FAM13A: variants seen among roughly 807,000 people sequenced by gnomAD.
FAM13A encodes the protein family with sequence similarity 13 member A, also known as protein FAM13A.
In FAM13A, 76 loss-of-function variants were observed where a neutral mutation model predicts 129.6. The observed-to-expected ratio is 0.59, with a 90% CI of 0.49 to 0.71. The LOEUF (loss-of-function observed/expected upper bound fraction) is 0.71. Among genes scored for constraint, FAM13A ranks in the 30% least tolerant of loss-of-function variants. The pLI is 0.00. For missense variants in FAM13A, 1,108 were observed against 1,249.3 expected, an observed-to-expected ratio of 0.89 and a Z score of 1.70; for synonymous variants, 443 against 449.9, an observed-to-expected ratio of 0.98 and a Z score of 0.20.
intron 11 of FAM13A, among the ~76,000 whole-genome samples, chr4:88,776,884 G>A (rs920312372): frequency 1.3e-5 from 2 of 152,140 alleles, no homozygotes; most frequent in African/African-American, 2.4e-5. Context: ...TGAGGCAGGA[G>A]AATCACTTGA....
intron 7 of FAM13A, among the ~76,000 whole-genome samples, chr4:88,836,250 CAAT>C (rs1734784541): frequency 1.3e-5 from 2 of 152,066 alleles, no homozygotes; most frequent in Admixed American, 6.5e-5. Context: ...TACATTACCA[CAAT>C]AAAAAAGATT....
intron 5 of FAM13A, among the ~76,000 whole-genome samples, chr4:88,913,348 AGAG>A (rs1462235278): frequency 2.8e-5 from 4 of 140,826 alleles, no homozygotes; most frequent in Admixed American, 1.4e-4. Flanking sequence ...AAGAGGAAGA[AGAG>A]GAGGAAGAAG....
intron 1 of FAM13A, among the ~76,000 whole-genome samples, chr4:89,044,785 C>A (rs545842649): frequency 9.9e-5 from 15 of 151,592 alleles, no homozygotes; most frequent in African/African-American, 3.1e-4. Flanking sequence ...ATGGATGAAC[C>A]CTGAAAGCAT....
chr4:88,835,961 C>T (rs1734737701), intron 7 of FAM13A, among the ~76,000 whole-genome samples: 1 of 152,180 alleles, frequency 6.6e-6, no homozygotes, highest in Non-Finnish European at 1.5e-5. Flanking sequence ...ACAATTAACA[C>T]TTCCTCCTTG....
intron 17 of FAM13A, 37 bp downstream of exon 17, chr4:88,748,911 GGCTT>G (rs1377290662): frequency 4.3e-6 from 6 of 1,404,506 alleles, no homozygotes; most frequent in Non-Finnish European, 4.0e-6. Context: ...TTCTGCACCT[GGCTT>G]GTTGTACAGA....
At position 88,917,052 on chromosome 4, in the gene FAM13A, A is replaced by G. The variant is rs185653835; in HGVS notation, c.760-10590T>C. ...AAAAACAACCTCTTCTGACTCCTCT[A>G]CTTCAGTTTATCCTACACATGGATG... On this transcript the variant is annotated intron_variant, in intron 5 of 23. Transcript: ENST00000264344. 1.6e-4 allele frequency among the ~76,000 whole-genome samples: 25 copies of G among 152,278 alleles called. No individual in the cohort carries two copies. The East Asian group carries it at 4.8e-3, about 29-fold the overall frequency.
intron 1 of FAM13A, among the ~76,000 whole-genome samples, chr4:89,037,386 T>C (rs186875743): frequency 1.2e-3 from 177 of 152,334 alleles, no homozygotes; most frequent in Middle Eastern, 3.4e-3. Context: ...GCCCCTTTGT[T>C]TTGGCTGATT....
At chr4:88,997,179 C>T (rs914185664) in intron 3 of FAM13A, among the ~76,000 whole-genome samples, 10 of 152,308 alleles carry the variant, frequency 6.6e-5, no homozygotes, top group South Asian at 4.1e-4. Flanking sequence ...CTGCTTTAAA[C>T]TTGTTAAACT....
chr4:88,909,346 G>A (rs544090185), intron 5 of FAM13A, among the ~76,000 whole-genome samples: 10 of 152,136 alleles, frequency 6.6e-5, no homozygotes, highest in Non-Finnish European at 5.9e-5. Flanking sequence ...GACACAAAAG[G>A]ATATATATTG....
At chr4:89,048,992 G>T (rs73845237) in intron 1 of FAM13A, among the ~76,000 whole-genome samples, 3,250 of 152,266 alleles carry the variant, frequency 0.021, 102 homozygotes, top group African/African-American at 0.072. Flanking sequence ...AGGTCACTAT[G>T]AATTAAATCT....
In FAM13A at chr4:88,821,982, T is replaced by A. The variant is rs374004809; in HGVS notation, c.1008-16930A>T. ...ATTTTTCATTGCTAAAACAAAAACATTCACTGAAATATTTGTGGCATGGTT... is the reference window on the plus strand; with the variant it reads ...ATTTTTCATTGCTAAAACAAAAACAATCACTGAAATATTTGTGGCATGGTT... On this transcript the variant is annotated intron_variant, in intron 7 of 23. Transcript: ENST00000264344. 3.3e-5 allele frequency among the ~76,000 whole-genome samples: 5 copies of A among 152,220 alleles called. No homozygotes were observed. In the East Asian group the frequency reaches 7.7e-4, roughly 23 times the overall value.
chr4:89,045,860 C>T (rs143321426), intron 1 of FAM13A, among the ~76,000 whole-genome samples: 1 of 151,796 alleles, frequency 6.6e-6, no homozygotes, highest in Non-Finnish European at 1.5e-5. Flanking sequence ...CCCGTCTCTA[C>T]TAATAGTACA....
intron 8 of FAM13A, among the ~76,000 whole-genome samples, chr4:88,801,080 T>C (rs111384288): frequency 0.011 from 1,711 of 152,204 alleles, 39 homozygotes; most frequent in African/African-American, 0.039. Context: ...AATTCTAGCA[T>C]AAGTTGTTTG....
intron 6 of FAM13A, among the ~76,000 whole-genome samples, chr4:88,904,478 G>A (rs553682744): frequency 1.3e-5 from 2 of 152,226 alleles, no homozygotes; most frequent in East Asian, 3.9e-4. Flanking sequence ...GACATGGATG[G>A]AGCTGGAAAC....
intron 6 of FAM13A, among the ~76,000 whole-genome samples, chr4:88,893,578 G>C (rs1745740615): frequency 6.6e-6 from 1 of 151,240 alleles, no homozygotes. Flanking sequence ...AGCCGAGATT[G>C]TGCCACTGCA....
chr4:89,052,700 C>A (rs1266643028), intron 1 of FAM13A, among the ~76,000 whole-genome samples: 1 of 152,092 alleles, frequency 6.6e-6, no homozygotes, highest in Non-Finnish European at 1.5e-5. Context: ...GGCTTGGCCA[C>A]ACTTTTAGTG....
rs547841933 is a variant in FAM13A, at chr4:88,942,569, A to G, written c.606-4328T>C. Among the ~76,000 whole-genome samples, 33 of 150,344 alleles carry G rather than the reference A, an allele frequency of 2.2e-4. No homozygotes were observed. In the South Asian group the frequency reaches 6.5e-3, roughly 30 times the overall value. The stretch of plus-strand genomic sequence containing the variant: ...GTAACAGAGCAAGACTCCATCTCAA[A>G]AAATAAATAAATAAATAGAAATGTA... On this transcript the variant is annotated intron_variant, in intron 4 of 23. Transcript: ENST00000264344.
At chr4:88,731,294 G>A (rs1420288956) in intron 23 of FAM13A, 33 bp downstream of exon 23, 3 of 1,213,398 alleles carry the variant, frequency 2.5e-6, no homozygotes, top group Non-Finnish European at 2.4e-6. Context: ...GTGCGGCGGG[G>A]GGGAAGGGAG....
chr4:88,847,890 T>C (rs905075039), intron 7 of FAM13A, among the ~76,000 whole-genome samples: 8 of 151,694 alleles, frequency 5.3e-5, no homozygotes, highest in African/African-American at 1.5e-4. Flanking sequence ...TGAGCGGAGA[T>C]TGCAGTGAGC....
Sources: allele counts gnomAD v4.1 joint callset (sites outside exome capture counted in the v4.1 genomes callset), GRCh38; gene constraint gnomAD v4.1.1; transcripts MANE v1.5; gene names NCBI Gene and HGNC (gene_info 2026-07-23, HGNC 2026-07-21).